The following ABCB11 variants were observed in gnomAD, a reference collection of about 807,000 sequenced individuals.
ABCB11 encodes the protein ATP binding cassette subfamily B member 11, also known as bile salt export pump.
ABCB11 carries 95 observed loss-of-function variants against 148.0 expected under a neutral mutation model. The ratio of observed to expected loss-of-function variants is 0.64; its 90% CI spans 0.54 to 0.76. The LOEUF (loss-of-function observed/expected upper bound fraction) is 0.76. Ranked by LOEUF, ABCB11 falls within the 30% of genes least tolerant of loss-of-function variation. The pLI, the probability that ABCB11 is intolerant of heterozygous loss-of-function variation, is 0.00. For synonymous variants in ABCB11, 591 were observed against 555.4 expected (o/e 1.06, Z -0.90); for missense variants, 1,523 against 1,617.8 (o/e 0.94, Z 1.01).
intron 19 of ABCB11, among the ~76,000 whole-genome samples, chr2:168,947,644 C>A: frequency 6.6e-6 from 1 of 151,730 alleles, no homozygotes; most frequent in Non-Finnish European, 1.5e-5. Flanking sequence ...AAGAAAGCAT[C>A]ATGAGTTTAC....
At chr2:169,006,935 T>C (rs1695035973) in intron 5 of ABCB11, among the ~76,000 whole-genome samples, 1 of 152,138 alleles carries the variant, frequency 6.6e-6, no homozygotes, top group South Asian at 2.1e-4. Flanking sequence ...ATCAGAAGAC[T>C]TAATATTGTT....
chr2:169,017,860 T>C (rs1695411840), intron 2 of ABCB11, 190 bp downstream of exon 2: 1 of 756,862 alleles, frequency 1.3e-6, no homozygotes, highest in Admixed American at 1.7e-5. Context: ...TGTTCTTACC[T>C]AGTGCTTTCA....
downstream of ABCB11, among the ~76,000 whole-genome samples, chr2:168,920,228 T>G (rs1691034010): frequency 6.6e-6 from 1 of 152,096 alleles, no homozygotes; most frequent in Non-Finnish European, 1.5e-5. Context: ...TGGAAAATAT[T>G]CTCCTTTTCC....
Position 169,014,368 on chromosome 2 carries a change from C to T in ABCB11, c.99-14G>A, listed in dbSNP as rs1369390409. 5 of 1,611,964 alleles carry T rather than the reference C, an allele frequency of 3.1e-6. No homozygotes were observed. The highest frequency in any genetic ancestry group is 4.2e-6 in the Non-Finnish European group (5 of 1,178,642). ...TCATCTTGTAACCTGATGAGAAAAA[C>T]ATAAGGATTTAAAGACCACCCTTTC... is the stretch of plus-strand genomic sequence containing the variant. On this transcript the variant is annotated splice_polypyrimidine_tract_variant and intron_variant, in intron 3 of 27. Transcript: ENST00000650372.
chr2:168,970,400 AT>A, intron 14 of ABCB11, 185 bp from the exon 15 acceptor site: 1 of 1,463,316 alleles, frequency 6.8e-7, no homozygotes, highest in Non-Finnish European at 9.2e-7. Context: ...TATGTGTGAA[AT>A]AAAGGAATTG....
intron 16 of ABCB11, 114 bp downstream of exon 16, chr2:168,969,236 C>T (rs189957324): frequency 3.6e-5 from 35 of 972,950 alleles, no homozygotes; most frequent in Non-Finnish European, 4.7e-5. Context: ...ATCTATATAA[C>T]GCCTGCCAGA....
intron 1 of ABCB11, among the ~76,000 whole-genome samples, chr2:169,029,062 C>T (rs1285826478): frequency 6.6e-6 from 1 of 151,962 alleles, no homozygotes; most frequent in African/African-American, 2.4e-5. Flanking sequence ...AGAGCACCCG[C>T]CCCCACCATG....
intron 10 of ABCB11, among the ~76,000 whole-genome samples, chr2:168,981,664 G>A (rs1000663025): frequency 3.9e-5 from 6 of 152,074 alleles, no homozygotes; most frequent in Admixed American, 2.0e-4. Context: ...GACCACACAC[G>A]TCAGAGGTCT....
chr2:168,931,882 T>C (rs1691581892), intron 24 of ABCB11, among the ~76,000 whole-genome samples: 2 of 152,206 alleles, frequency 1.3e-5, no homozygotes, highest in Non-Finnish European at 2.9e-5. Flanking sequence ...TCCAAGTATG[T>C]ATGAATGAAC....
intron 1 of ABCB11, among the ~76,000 whole-genome samples, chr2:169,030,801 C>T (rs923339109): frequency 1.3e-5 from 2 of 152,112 alleles, no homozygotes; most frequent in African/African-American, 4.8e-5. Flanking sequence ...TGTAGTTCTG[C>T]ATTAAACCAG....
At chr2:168,940,802 T>C (rs1263454509) in intron 21 of ABCB11, among the ~76,000 whole-genome samples, 1 of 152,100 alleles carries the variant, frequency 6.6e-6, no homozygotes, top group Non-Finnish European at 1.5e-5. Flanking sequence ...ATAATGCAGC[T>C]GATGACTTTA....
In ABCB11 at chr2:168,928,838, C is replaced by A. The variant is rs114595262; in HGVS notation, c.3412-1476G>T. 3.1e-3 allele frequency among the ~76,000 whole-genome samples: 468 copies of A among 152,234 alleles called. 1 individual carries two copies. Among genetic ancestry groups the A allele is most frequent in the African/African-American group, 0.011 (449 of 41,544 alleles). On this transcript the variant is annotated intron_variant, in intron 25 of 27. Coordinates refer to ENST00000650372, the MANE Select transcript of ABCB11 (RefSeq NM_003742.4). Reference sequence around the variant, plus strand: ...TTATTGGTTACCAAATACTTTCAAACAAATTTACAATCTTTATACCTCAAC... The same window carrying A: ...TTATTGGTTACCAAATACTTTCAAAAAAATTTACAATCTTTATACCTCAAC...
At chr2:168,947,405 A>G (rs561148041) in intron 19 of ABCB11, among the ~76,000 whole-genome samples, 1 of 151,290 alleles carries the variant, frequency 6.6e-6, no homozygotes, top group African/African-American at 2.4e-5. Context: ...ACATTGGCAC[A>G]TTTTCCAAGT....
In ABCB11 at chr2:168,921,917, C is replaced by T. The variant is rs1297539278; in HGVS notation, c.*1705G>A. ...AGGCTGGAGTGCAGTGGCGCGATCT[C>T]GGCTCACTGCAAGCTCCACCTCCCG... On this transcript the variant is annotated 3_prime_UTR_variant, in exon 28 of 28. Transcript: ENST00000650372. 1.4e-5 allele frequency among the ~76,000 whole-genome samples: 2 copies of T among 147,048 alleles called. No homozygotes were observed. The highest frequency in any genetic ancestry group is 2.0e-4 in the East Asian group (1 of 4,978).
chr2:168,972,685 C>T (rs907459755), intron 13 of ABCB11, among the ~76,000 whole-genome samples: 5 of 151,964 alleles, frequency 3.3e-5, no homozygotes, highest in Non-Finnish European at 5.9e-5. Context: ...TTATGTTTGC[C>T]ATGCCTGTGT....
chr2:168,917,903 G>A (rs941951598), downstream of ABCB11, among the ~76,000 whole-genome samples: 1 of 152,166 alleles, frequency 6.6e-6, no homozygotes, highest in Admixed American at 6.5e-5. Flanking sequence ...AAATGTAAAT[G>A]CACCTCAGAT....
At chr2:168,987,969 C>T (rs1694381042) in intron 9 of ABCB11, among the ~76,000 whole-genome samples, 2 of 151,846 alleles carry the variant, frequency 1.3e-5, no homozygotes, top group South Asian at 2.1e-4. Flanking sequence ...AATTAACATG[C>T]ATTACCTCAC....
chr2:168,917,619 ATTTG>A (rs1254867078), downstream of ABCB11, among the ~76,000 whole-genome samples: 3 of 152,184 alleles, frequency 2.0e-5, no homozygotes, highest in South Asian at 2.1e-4. Flanking sequence ...CATCAAAATG[ATTTG>A]TTTGATTCCC....
intron 25 of ABCB11, 77 bp downstream of exon 25, chr2:168,930,588 A>G (rs1272413810): frequency 1.6e-6 from 2 of 1,259,342 alleles, no homozygotes; most frequent in African/African-American, 3.0e-5. Flanking sequence ...CTGGCAAAGC[A>G]AAAACTTGAA....
Sources: allele counts gnomAD v4.1 joint callset (sites outside exome capture counted in the v4.1 genomes callset), GRCh38; gene constraint gnomAD v4.1.1; transcripts MANE v1.5; gene names NCBI Gene and HGNC (gene_info 2026-07-23, HGNC 2026-07-21).